Variants in SPEF2 observed in about 807,000 individuals in gnomAD.
The protein encoded by SPEF2 is sperm flagella and cilia-associated protein 2.
SPEF2 carries 187 observed loss-of-function variants against 224.6 expected under a neutral mutation model. The observed-to-expected ratio is 0.83, with a 90% CI of 0.74 to 0.94. The LOEUF (loss-of-function observed/expected upper bound fraction) is 0.94. Among genes scored for constraint, SPEF2 ranks in the 40% least tolerant of loss-of-function variants. The pLI, the probability that SPEF2 is intolerant of heterozygous loss-of-function variation, is 0.00. For synonymous variants in SPEF2, 715 were observed against 707.3 expected (o/e 1.01, Z -0.17); for missense variants, 2,170 against 2,135.6 (o/e 1.02, Z -0.32).
At chr5:35,671,144 AT>A in intron 10 of SPEF2, 1 of 985,434 alleles carries the variant, frequency 1.0e-6, no homozygotes, top group Non-Finnish European at 1.2e-6. Context: ...AAAAAAATCT[AT>A]GAAAAGATTA....
rs779439160 is a variant in SPEF2, at chr5:35,795,627, C to T, written c.4738-76C>T. On this transcript the variant is annotated intron_variant, in intron 32 of 36. Transcript: ENST00000356031. ...AACTGCTCTAGAGACAAGATTGGCT[C>T]AGTCTCTGTGGCTTTTAGAGGAACA... 63 of 1,286,470 alleles carry T rather than the reference C, an allele frequency of 4.9e-5. 1 individual carries two copies. The highest frequency in any genetic ancestry group is 6.2e-5 in the Non-Finnish European group (57 of 919,344). The allele number at this position is 1,286,470 out of a possible 1,614,324, so 79.7% of individuals were successfully genotyped here.
At chr5:35,727,958 A>G (rs912684489) in intron 21 of SPEF2, 135 bp downstream of exon 21, 4 of 884,796 alleles carry the variant, frequency 4.5e-6, no homozygotes, top group Admixed American at 3.2e-5. Flanking sequence ...GATTTTTTTT[A>G]GAGACTACTC....
At position 35,727,773 on chromosome 5, in the gene SPEF2, C is replaced by T. The variant is rs774145707; in HGVS notation, c.3013C>T (p.Pro1005Ser). ...ACCTGTTGCAATAGTGCCACAGCCA[C>T]CTAAGCCAGGATCAGAAGAATGGGT... Reference protein sequence around the residue: ...TSPVAIVPQPPKPGSEEWVYV... With the variant: ...TSPVAIVPQPSKPGSEEWVYV... The change falls in exon 21 of 37, where the codon CCT becomes TCT. Residue 1005 changes from proline (P) to serine (S), a missense_variant. Transcript: ENST00000356031. 15 of 1,613,860 alleles carry T rather than the reference C, an allele frequency of 9.3e-6. No homozygotes were observed. The highest frequency in any genetic ancestry group is 5.0e-5 in the Admixed American group (3 of 59,990).
At chr5:35,665,442 G>A (rs1750336369) in intron 8 of SPEF2, among the ~76,000 whole-genome samples, 1 of 151,708 alleles carries the variant, frequency 6.6e-6, no homozygotes, top group South Asian at 2.1e-4. Context: ...AGGAACAGAG[G>A]GAGGGAGGGA....
At chr5:35,714,644 G>A (rs1366312937) in intron 20 of SPEF2, among the ~76,000 whole-genome samples, 1 of 150,490 alleles carries the variant, frequency 6.6e-6, no homozygotes, top group East Asian at 2.0e-4. Flanking sequence ...AGTCCAGCTT[G>A]TTTTTAGGTT....
At chr5:35,736,145 C>G (rs1580509074) in intron 21 of SPEF2, among the ~76,000 whole-genome samples, 1 of 152,158 alleles carries the variant, frequency 6.6e-6, no homozygotes, top group Non-Finnish European at 1.5e-5. Flanking sequence ...TGCGGTCCAT[C>G]CTTAAGGAAA....
intron 10 of SPEF2, among the ~76,000 whole-genome samples, chr5:35,687,635 G>C (rs1259865080): frequency 6.6e-6 from 1 of 152,080 alleles, no homozygotes; most frequent in Admixed American, 6.6e-5. Context: ...GATTACAGGC[G>C]TGAGCCACCG....
intron 28 of SPEF2, among the ~76,000 whole-genome samples, chr5:35,775,312 G>T (rs1753453124): frequency 6.6e-6 from 1 of 152,110 alleles, no homozygotes; most frequent in Admixed American, 6.6e-5. Context: ...GACATGAGGG[G>T]AGTTCCTGAC....
At chr5:35,631,048 A>G (rs1326540781) in intron 2 of SPEF2, among the ~76,000 whole-genome samples, 1 of 152,236 alleles carries the variant, frequency 6.6e-6, no homozygotes, top group Non-Finnish European at 1.5e-5. Context: ...TGATAAAGAC[A>G]TACCCAAGAC....
chr5:35,759,707 A>G lies in SPEF2; in HGVS notation c.3608A>G (p.Glu1203Gly), dbSNP rs765436235. ...LVQLDSKDNSESQLRIPLVPR... is the reference protein window; with the variant it reads ...LVQLDSKDNSGSQLRIPLVPR... ...CAACTGGATAGTAAAGACAATTCTG[A>G]AAGCCAGCTTAGGTAAGGCAGGCTA... The change falls in exon 25 of 37, where the codon GAA becomes GGA. Residue 1203 changes from glutamate to glycine, a missense_variant. Transcript: ENST00000356031. 4 of 1,585,450 alleles carry G rather than the reference A, an allele frequency of 2.5e-6. No individual in the cohort carries two copies. The highest frequency in any genetic ancestry group is 3.4e-6 in the Non-Finnish European group (4 of 1,160,086).
At chr5:35,679,634 C>A (rs968049116) in intron 10 of SPEF2, among the ~76,000 whole-genome samples, 14 of 152,164 alleles carry the variant, frequency 9.2e-5, no homozygotes, top group Admixed American at 1.3e-4. Flanking sequence ...ATGAAATTAA[C>A]CAGGTCACAA....
chr5:35,778,332 G>A (rs1037562057), intron 29 of SPEF2, among the ~76,000 whole-genome samples: 15 of 152,168 alleles, frequency 9.9e-5, no homozygotes, highest in African/African-American at 2.9e-4. Context: ...AATCTTTGCC[G>A]TATATGAGTT....
chr5:35,805,345 G>A (rs1033698969), intron 34 of SPEF2, among the ~76,000 whole-genome samples: 1 of 152,054 alleles, frequency 6.6e-6, no homozygotes, highest in South Asian at 2.1e-4. Context: ...ATTCCTTATA[G>A]GGACGTATGA....
intron 14 of SPEF2, 96 bp from the exon 15 acceptor site, chr5:35,697,594 C>A: frequency 1.1e-6 from 1 of 933,594 alleles, no homozygotes. Flanking sequence ...GTGTCATCAT[C>A]AGAGAGCCTG....
chr5:35,697,582 C>T, intron 14 of SPEF2, 108 bp from the exon 15 acceptor site: 1 of 793,372 alleles, frequency 1.3e-6, no homozygotes, highest in Non-Finnish European at 2.0e-6. Flanking sequence ...GCCACATGAT[C>T]AGTGTCATCA....
intron 34 of SPEF2, 88 bp downstream of exon 34, chr5:35,800,235 C>A: frequency 5.7e-6 from 8 of 1,392,882 alleles, no homozygotes; most frequent in Non-Finnish European, 6.8e-6. Context: ...CTATTATTTT[C>A]ATCTCCGTAT....
chr5:35,813,846 T>G (rs1758682284), intron 36 of SPEF2, among the ~76,000 whole-genome samples: 1 of 151,072 alleles, frequency 6.6e-6, no homozygotes, highest in Admixed American at 6.6e-5. Flanking sequence ...AAAAAAAACC[T>G]AAAAGCTACC....
At chr5:35,627,272 T>G (rs1013514810) in intron 1 of SPEF2, among the ~76,000 whole-genome samples, 3 of 152,024 alleles carry the variant, frequency 2.0e-5, no homozygotes, top group African/African-American at 2.4e-5. Flanking sequence ...ACTAAGAACA[T>G]TTTTTAAAAA....
intron 34 of SPEF2, among the ~76,000 whole-genome samples, chr5:35,802,899 G>A (rs1361299304): frequency 6.6e-6 from 1 of 152,188 alleles, no homozygotes; most frequent in Non-Finnish European, 1.5e-5. Flanking sequence ...GCTTCACTAA[G>A]TCAGGATCTC....
Sources: allele counts gnomAD v4.1 joint callset (sites outside exome capture counted in the v4.1 genomes callset), GRCh38; gene constraint gnomAD v4.1.1; transcripts MANE v1.5; gene names NCBI Gene and HGNC (gene_info 2026-07-23, HGNC 2026-07-21).